Variants in MYO18B observed in about 807,000 individuals in gnomAD.
MYO18B encodes the protein myosin XVIIIB.
MYO18B carries 204 observed loss-of-function variants against 273.0 expected under a neutral mutation model. That is an observed-to-expected ratio of 0.75 (90% CI 0.67 to 0.84). The LOEUF (loss-of-function observed/expected upper bound fraction) is 0.84. MYO18B is among the 40% of genes least tolerant of loss of function. The pLI is 0.00. For missense variants in MYO18B, 3,212 were observed against 3,287.6 expected (o/e 0.98, Z 0.56); for synonymous variants, 1,330 against 1,305.7 (o/e 1.02, Z -0.40).
intron 22 of MYO18B, among the ~76,000 whole-genome samples, chr22:25,869,781 C>T (rs185670236): frequency 2.9e-4 from 44 of 152,304 alleles, no homozygotes; most frequent in African/African-American, 1.0e-3. Context: ...CTGGCTACCA[C>T]CCCTCAGCCC....
intron 23 of MYO18B, among the ~76,000 whole-genome samples, chr22:25,875,250 G>C (rs1041947998): frequency 1.3e-5 from 2 of 152,238 alleles, no homozygotes; most frequent in Non-Finnish European, 2.9e-5. Context: ...GTTCAAGCCT[G>C]CTCTGGCACT....
At position 25,846,290 on chromosome 22, in the gene MYO18B, G is replaced by T. The variant is rs761362194; in HGVS notation, c.3552+7G>T. The T allele has an allele frequency of 6.2e-7, 1 of 1,610,390 alleles. No homozygotes were observed. The highest frequency in any genetic ancestry group is 8.5e-7 in the Non-Finnish European group (1 of 1,179,658). On this transcript the variant is annotated splice_region_variant and intron_variant, in intron 19 of 43. Coordinates refer to ENST00000335473, the MANE Select transcript of MYO18B (RefSeq NM_032608.7). ...CCAGATCAAGCTGCAGATGGTGAGTGGGCACCCTGTCTCATGGTGTCCTGG... is the reference window on the plus strand; with the variant it reads ...CCAGATCAAGCTGCAGATGGTGAGTTGGCACCCTGTCTCATGGTGTCCTGG...
rs113095510 is a variant in MYO18B, at chr22:25,763,263, C to T, written c.72C>T (p.Ser24=). ...IREEDKSPPP[S]SPPPLFSVIP... is the part of the protein sequence containing the mutation. ...AAGAGGACAAGAGCCCTCCACCATCCTCGCCCCCTCCTCTTTTCTCTGTCA... is the reference window on the plus strand; with the variant it reads ...AAGAGGACAAGAGCCCTCCACCATCTTCGCCCCCTCCTCTTTTCTCTGTCA... The change falls in exon 3 of 44, where the codon TCC becomes TCT. Residue 24 remains serine, a synonymous_variant. Coordinates refer to ENST00000335473, the MANE Select transcript of MYO18B (RefSeq NM_032608.7). 48 of 1,611,366 alleles carry T rather than the reference C, an allele frequency of 3.0e-5. No homozygotes were observed. In the African/African-American group the frequency reaches 3.7e-4, roughly 13 times the overall value.
At chr22:25,953,501 C>T (rs1167367893) in intron 38 of MYO18B, 4 of 152,134 alleles carry the variant, frequency 2.6e-5, no homozygotes, top group East Asian at 3.8e-4. Context: ...AACATTTCCC[C>T]TTGATCTCCC....
chr22:25,846,845 GC>G (rs2090261467), intron 19 of MYO18B, among the ~76,000 whole-genome samples: 1 of 152,196 alleles, frequency 6.6e-6, no homozygotes, highest in Non-Finnish European at 1.5e-5. Context: ...ACTTTGGGAG[GC>G]CAAGGCGGGC....
At chr22:25,847,367 G>T (rs1242555138) in intron 19 of MYO18B, 63 bp from the exon 20 acceptor site, 1 of 1,433,872 alleles carries the variant, frequency 7.0e-7, no homozygotes, top group Non-Finnish European at 9.6e-7. Flanking sequence ...TTTGGAGAGG[G>T]TCCAGTCCCC....
chr22:25,802,526 A>G (rs1369759049), intron 12 of MYO18B, among the ~76,000 whole-genome samples: 1 of 152,062 alleles, frequency 6.6e-6, no homozygotes, highest in Non-Finnish European at 1.5e-5. Context: ...TGAGGCGGGC[A>G]GATCACAAGG....
the MYO18B span, among the ~76,000 whole-genome samples, chr22:26,036,834 G>C: frequency 6.6e-6 from 1 of 152,236 alleles, no homozygotes; most frequent in African/African-American, 2.4e-5. Flanking sequence ...AAGTGAGTCA[G>C]TGTCTGTGGC....
In MYO18B at chr22:26,026,811, C is replaced by T. The variant is rs1439452542; in HGVS notation, c.6837C>T (p.Pro2279=). 3 of 1,595,408 alleles carry T rather than the reference C, an allele frequency of 1.9e-6. No individual in the cohort carries two copies. Among genetic ancestry groups the T allele is most frequent in the East Asian group, 4.5e-5 (2 of 44,342 alleles). ...TLGLEDWPTL[P]IYQTTGASTL... ...GCCTAGAGGACTGGCCCACTCTCCC[C>T]ATTTACCAGACGACTGGGGCCTCCA... The change falls in exon 43 of 44, where the codon CCC becomes CCT. Residue 2279 remains proline, a synonymous_variant. Transcript: ENST00000335473.
At chr22:25,893,713 T>C (rs61058475) in intron 27 of MYO18B, among the ~76,000 whole-genome samples, 1,927 of 152,204 alleles carry the variant, frequency 0.013, 39 homozygotes, top group African/African-American at 0.044. Context: ...TAGAAATCTC[T>C]ATTGAGGTCA....
At chr22:25,867,208 AT>A (rs2090913043) in intron 21 of MYO18B, among the ~76,000 whole-genome samples, 1 of 151,590 alleles carries the variant, frequency 6.6e-6, no homozygotes, top group Admixed American at 6.6e-5. Context: ...TGGTGCAACT[AT>A]CACAACATCC....
At chr22:25,999,459 C>G (rs1046188544) in intron 40 of MYO18B, among the ~76,000 whole-genome samples, 16 of 152,002 alleles carry the variant, frequency 1.1e-4, no homozygotes, top group Non-Finnish European at 2.2e-4. Context: ...TTAATTATCT[C>G]GCTCATCATC....
chr22:25,968,773 T>C (rs560664744), intron 39 of MYO18B, among the ~76,000 whole-genome samples: 79 of 152,282 alleles, frequency 5.2e-4, no homozygotes, highest in African/African-American at 1.9e-3. Context: ...TCTTTTCCCT[T>C]GCTGGACTCA....
chr22:25,815,619 C>A (rs960107531), intron 12 of MYO18B, among the ~76,000 whole-genome samples: 3 of 152,198 alleles, frequency 2.0e-5, no homozygotes, highest in African/African-American at 7.2e-5. Context: ...GTTCTTTCCA[C>A]AATTCCCACC....
Position 25,890,959 on chromosome 22 carries a change from TC to T in MYO18B, c.4434+85del, listed in dbSNP as rs1265935270. The T allele has an allele frequency of 2.0e-6, 3 of 1,520,864 alleles. No individual in the cohort carries two copies. The African/African-American group carries it at 4.1e-5, about 21-fold the overall frequency. 94.2% of individuals were successfully genotyped at this position (1,520,864 alleles called of 1,614,324 possible). ...TGCTCCCCGACCCTCTCATTGGAGA[TC>T]AGTAAGCTTAAGCAAGATGCACAGG... is the stretch of plus-strand genomic sequence containing the variant. On this transcript the variant is annotated intron_variant, in intron 26 of 43. Coordinates refer to ENST00000335473, the MANE Select transcript of MYO18B (RefSeq NM_032608.7).
At chr22:25,799,258 G>A (rs1003213000) in intron 12 of MYO18B, among the ~76,000 whole-genome samples, 13 of 151,436 alleles carry the variant, frequency 8.6e-5, no homozygotes, top group African/African-American at 3.2e-4. Flanking sequence ...ACATAGACCC[G>A]TAATGTCATT....
chr22:25,837,383 T>C (rs73879563), intron 17 of MYO18B, among the ~76,000 whole-genome samples: 2,207 of 152,200 alleles, frequency 0.015, 48 homozygotes, highest in African/African-American at 0.05. Context: ...AGAATATGAC[T>C]CCCTGGAAGC....
chr22:25,781,925 C>G (rs949167635), intron 10 of MYO18B, 91 bp downstream of exon 10: 1 of 855,806 alleles, frequency 1.2e-6, no homozygotes, highest in Non-Finnish European at 1.6e-6. Context: ...CTGCCCAGCA[C>G]TGAGAGGCCG....
the MYO18B span, among the ~76,000 whole-genome samples, chr22:26,060,999 A>ACACATGAACACACATATACACACATAC: frequency 2.1e-5 from 2 of 96,160 alleles, no homozygotes; most frequent in African/African-American, 2.0e-4. Flanking sequence ...CCACATATGC[A>ACACATGAACACACATATACACACATAC]CACACATACA....
Sources: gnomAD v4.1 joint callset for allele counts (sites outside exome capture counted in the v4.1 genomes callset) on GRCh38, gnomAD v4.1.1 for gene constraint, MANE v1.5 for transcripts, NCBI Gene and HGNC (gene_info 2026-07-23, HGNC 2026-07-21) for gene names.